The following ABCC8 variants were observed in gnomAD, a reference collection of about 807,000 sequenced individuals.
ABCC8 encodes ATP binding cassette subfamily C member 8.
ABCC8 carries 137 observed loss-of-function variants against 188.0 expected under a neutral mutation model. That is an observed-to-expected ratio of 0.73 (90% CI 0.63 to 0.84). ABCC8 has a LOEUF of 0.84. Ranked by LOEUF, ABCC8 falls within the 40% of genes least tolerant of loss-of-function variation. The pLI, the probability that ABCC8 is intolerant of heterozygous loss-of-function variation, is 0.00. For missense variants in ABCC8, 1,750 were observed against 2,072.7 expected (o/e 0.84, Z 3.02); for synonymous variants, 797 against 846.5 (o/e 0.94, Z 1.01).
intron 28 of ABCC8, among the ~76,000 whole-genome samples, chr11:17,403,174 C>T (rs1023208263): frequency 1.2e-4 from 19 of 152,124 alleles, no homozygotes; most frequent in South Asian, 4.1e-4. Flanking sequence ...CCCCGTCTTC[C>T]GCTTACCCCA....
chr11:17,416,145 T>A (rs1326480907), intron 17 of ABCC8, among the ~76,000 whole-genome samples: 1 of 152,104 alleles, frequency 6.6e-6, no homozygotes, highest in Non-Finnish European at 1.5e-5. Context: ...GCCTCTTTGG[T>A]GTTGGAGAGC....
At chr11:17,460,732 G>A (rs1957159263) in intron 5 of ABCC8, 56 bp from the exon 6 acceptor site, 1 of 1,597,218 alleles carries the variant, frequency 6.3e-7, no homozygotes, top group Admixed American at 1.7e-5. Flanking sequence ...TCACGGCTGG[G>A]CCTAGCCTCC....
At chr11:17,434,724 C>A (rs1956001716) in intron 10 of ABCC8, among the ~76,000 whole-genome samples, 1 of 151,944 alleles carries the variant, frequency 6.6e-6, no homozygotes, top group South Asian at 2.1e-4. Context: ...TTGTAGCTCC[C>A]TGAACTCCTT....
intron 3 of ABCC8, 94 bp downstream of exon 3, chr11:17,470,007 T>C: frequency 1.3e-6 from 2 of 1,499,040 alleles, no homozygotes; most frequent in South Asian, 1.1e-5. Flanking sequence ...ATCTCTACTG[T>C]TTAGAGCAAT....
chr11:17,434,944 C>T (rs1956009511), intron 10 of ABCC8, among the ~76,000 whole-genome samples: 1 of 150,582 alleles, frequency 6.6e-6, no homozygotes, highest in Non-Finnish European at 1.5e-5. Flanking sequence ...CCCTTCAGGG[C>T]TGGGGCTGGG....
At chr11:17,419,875 C>T (rs1955255448) in intron 16 of ABCC8, among the ~76,000 whole-genome samples, 1 of 152,178 alleles carries the variant, frequency 6.6e-6, no homozygotes, top group African/African-American at 2.4e-5. Flanking sequence ...AAATCTGAGG[C>T]AAGCTCCTTT....
chr11:17,426,632 A>G (rs1385763033), intron 16 of ABCC8, among the ~76,000 whole-genome samples: 3 of 152,134 alleles, frequency 2.0e-5, no homozygotes, highest in African/African-American at 4.8e-5. Flanking sequence ...CTGGAAACCA[A>G]TGTTGGTGTT....
At chr11:17,407,912 T>C (rs975835678) in intron 23 of ABCC8, among the ~76,000 whole-genome samples, 8 of 152,074 alleles carry the variant, frequency 5.3e-5, no homozygotes, top group African/African-American at 1.9e-4. Flanking sequence ...AGACTGCTGG[T>C]GGCCCTCACT....
At chr11:17,399,729 A>G (rs1051394110) in intron 29 of ABCC8, among the ~76,000 whole-genome samples, 2 of 152,186 alleles carry the variant, frequency 1.3e-5, no homozygotes, top group South Asian at 2.1e-4. Flanking sequence ...TTATTCACCA[A>G]TATACCCCAG....
At chr11:17,421,200 G>T (rs1254878627) in intron 16 of ABCC8, among the ~76,000 whole-genome samples, 1 of 152,164 alleles carries the variant, frequency 6.6e-6, no homozygotes, top group Non-Finnish European at 1.5e-5. Flanking sequence ...CATCTGCATG[G>T]GGCACCTGGG....
chr11:17,465,505 C>T (rs1848095048), intron 3 of ABCC8: 1 of 152,170 alleles, frequency 6.6e-6, no homozygotes, highest in South Asian at 2.1e-4. Flanking sequence ...AGGTTTTTTG[C>T]ATAGTCCTGT....
In ABCC8 at chr11:17,404,565, C is replaced by A; in HGVS notation, c.3504G>T (p.Leu1168Phe). Residue 1168 changes from leucine (L) to phenylalanine (F), a missense_variant, in exon 28 of 39, where the codon TTG becomes TTT. Leu to Phe is a conservative substitution (Grantham distance 22). Transcript: ENST00000389817. This position sits in a 1 kb window ranked among gnomAD's most constrained non-coding sequence, Gnocchi z 4.7. ...TGAAGTAGCACACGATGGCCAGGGG[C>A]AAGAGGGCCACGAGGAACACAGGTG... Reference protein sequence around the residue: ...YVTPVFLVALLPLAIVCYFIQ... With the variant: ...YVTPVFLVALFPLAIVCYFIQ... 6.2e-7 allele frequency: 1 copy of A among 1,614,066 alleles called. No homozygotes were observed. The highest frequency in any genetic ancestry group is 8.5e-7 in the Non-Finnish European group (1 of 1,180,002).
At chr11:17,432,341 G>A in intron 10 of ABCC8, 97 bp from the exon 11 acceptor site, 2 of 1,548,930 alleles carry the variant, frequency 1.3e-6, no homozygotes, top group South Asian at 2.4e-5. Flanking sequence ...GTCCAGTGGG[G>A]CCAGCCTGTG....
chr11:17,414,515 T>A lies in ABCC8; in HGVS notation c.2387A>T (p.Gln796Leu). 6.2e-7 allele frequency: 1 copy of A among 1,614,146 alleles called. No individual in the cohort carries two copies. The highest frequency in any genetic ancestry group is 8.5e-7 in the Non-Finnish European group (1 of 1,179,992). The change falls in exon 19 of 39, where the codon CAA becomes CTA. Residue 796 changes from glutamine (Q) to leucine (L), a missense_variant. Coordinates refer to ENST00000389817, the MANE Select transcript of ABCC8 (RefSeq NM_000352.6). The stretch of plus-strand genomic sequence containing the variant: ...CCTCCCTCCGACAGGCTTTTACCGT[T>A]GTTTGTTGAAGGGACTCTCAAAGAT... ...NIIFESPFNK[Q>L]RYKMVIEACS...
chr11:17,441,971 A>G (rs1271599198), intron 10 of ABCC8, among the ~76,000 whole-genome samples: 1 of 151,982 alleles, frequency 6.6e-6, no homozygotes, highest in Non-Finnish European at 1.5e-5. Flanking sequence ...TCCCAGCTAC[A>G]TGGGAGGCTG....
chr11:17,399,294 A>ACAAC (rs1418992733), intron 29 of ABCC8, among the ~76,000 whole-genome samples: 4 of 118,518 alleles, frequency 3.4e-5, no homozygotes, highest in African/African-American at 1.5e-4. Context: ...AAAAAAAAAA[A>ACAAC]AAAAAAAAAA....
chr11:17,465,210 C>T (rs1854522079), intron 3 of ABCC8, among the ~76,000 whole-genome samples: 1 of 152,236 alleles, frequency 6.6e-6, no homozygotes, highest in Non-Finnish European at 1.5e-5. Context: ...AGGCTGTCCC[C>T]CTGCCTCCAC....
chr11:17,455,937 CAAAAAAAAA>C lies in ABCC8; in HGVS notation c.1012-2663_1012-2655del, dbSNP rs796687753. 4.8e-5 allele frequency among the ~76,000 whole-genome samples: 3 copies of C among 62,744 alleles called. No homozygotes were observed. In the Admixed American group the frequency reaches 5.8e-4, roughly 12 times the overall value. 41.2% of individuals were successfully genotyped at this position (62,744 alleles called of 152,430 possible). ...CTGGGAGACAGAGTGAGGCTCCATC[CAAAAAAAAA>C]AAAAAAAAAAAAAGAAGTGGGTACT... is the stretch of plus-strand genomic sequence containing the variant. On this transcript the variant is annotated intron_variant, in intron 6 of 38. Coordinates refer to ENST00000389817, the MANE Select transcript of ABCC8 (RefSeq NM_000352.6).
intron 7 of ABCC8, among the ~76,000 whole-genome samples, chr11:17,450,343 T>G (rs1470377211): frequency 6.9e-6 from 1 of 145,296 alleles, no homozygotes; most frequent in Admixed American, 7.2e-5. Context: ...TCTCTTTCCT[T>G]TCTTTCTTTC....
Sources: allele counts gnomAD v4.1 joint callset (sites outside exome capture counted in the v4.1 genomes callset), GRCh38; gene constraint gnomAD v4.1.1; non-coding constraint Gnocchi (gnomAD v3.1); transcripts MANE v1.5; gene names NCBI Gene and HGNC (gene_info 2026-07-23, HGNC 2026-07-21).